The following PIBF1 variants were observed in gnomAD, a reference collection of about 807,000 sequenced individuals.
PIBF1 encodes progesterone immunomodulatory binding factor 1.
PIBF1 carries 90 observed loss-of-function variants against 112.5 expected under a neutral mutation model. The ratio of observed to expected loss-of-function variants is 0.80; its 90% CI spans 0.67 to 0.95. The LOEUF (loss-of-function observed/expected upper bound fraction) is 0.95. Among genes scored for constraint, PIBF1 ranks in the 40% least tolerant of loss-of-function variants. The pLI is 0.00. For synonymous variants in PIBF1, 301 were observed against 288.6 expected (o/e 1.04, Z -0.44); for missense variants, 915 against 852.3 (o/e 1.07, Z -0.92).
chr13:72,907,174 G>C (rs1356902523), intron 11 of PIBF1, among the ~76,000 whole-genome samples: 1 of 152,078 alleles, frequency 6.6e-6, no homozygotes, highest in East Asian at 1.9e-4. Flanking sequence ...AATGTATATG[G>C]AGAGTGAGGG....
chr13:72,868,759 G>A (rs1216206067), intron 10 of PIBF1, among the ~76,000 whole-genome samples: 2 of 150,274 alleles, frequency 1.3e-5, no homozygotes, highest in African/African-American at 4.9e-5. Context: ...CATGGTGGGA[G>A]GATCACTAGA....
At chr13:72,912,189 T>A (rs2040919526) in intron 12 of PIBF1, among the ~76,000 whole-genome samples, 1 of 152,206 alleles carries the variant, frequency 6.6e-6, no homozygotes, top group Non-Finnish European at 1.5e-5. Flanking sequence ...TCAGTGAGGC[T>A]GATTTTTGGA....
chr13:72,998,078 A>G (rs549868635), intron 16 of PIBF1, among the ~76,000 whole-genome samples: 47 of 152,364 alleles, frequency 3.1e-4, no homozygotes, highest in Admixed American at 7.2e-4. Flanking sequence ...CTGAATCTGT[A>G]TTAAACTTAC....
rs758324760 is a variant in PIBF1 at position 72,931,278 on chromosome 13, TAAAG to T, written c.1833+15_1833+18del. The T allele has an allele frequency of 5.5e-6, 8 of 1,443,908 alleles. No individual in the cohort carries two copies. Among genetic ancestry groups the T allele is most frequent in the African/African-American group, 1.4e-5 (1 of 71,268 alleles). The allele number at this position is 1,443,908 out of a possible 1,614,324, so 89.4% of individuals were successfully genotyped here. On this transcript the variant is annotated intron_variant, in intron 14 of 17. Transcript: ENST00000326291. ...CAGCTTTCACAAGAGGTAAATAACT[TAAAG>T]AAACCCATATGAAGAATCACAGTAT... is the stretch of plus-strand genomic sequence containing the variant.
chr13:72,865,066 T>TA (rs1390592286), intron 10 of PIBF1, among the ~76,000 whole-genome samples: 1 of 152,188 alleles, frequency 6.6e-6, no homozygotes, highest in Admixed American at 6.5e-5. Flanking sequence ...AAAAAATGGT[T>TA]ACCATTTTTA....
intron 17 of PIBF1, among the ~76,000 whole-genome samples, chr13:73,012,372 A>C (rs1353247660): frequency 2.0e-5 from 3 of 151,962 alleles, no homozygotes. Flanking sequence ...ATAAATGACA[A>C]ATGCATTTGA....
chr13:73,007,006 A>C (rs942153642), intron 17 of PIBF1, among the ~76,000 whole-genome samples: 1 of 149,082 alleles, frequency 6.7e-6, no homozygotes, highest in African/African-American at 2.4e-5. Context: ...TTGTATACAT[A>C]TATATATATA....
intron 5 of PIBF1, among the ~76,000 whole-genome samples, chr13:72,806,131 A>G (rs891047058): frequency 2.0e-5 from 3 of 152,332 alleles, no homozygotes; most frequent in Non-Finnish European, 4.4e-5. Context: ...GAATACTCAC[A>G]TTGTGCAACA....
rs80002454 is a variant in PIBF1, at chr13:72,991,997, C to T, written c.2050-6825C>T. ...CCTCCCAAAGTGCTGGGATTACAGGCGTCAGCCACCGTGCCCAGCCCCCGT... is the reference window on the plus strand; with the variant it reads ...CCTCCCAAAGTGCTGGGATTACAGGTGTCAGCCACCGTGCCCAGCCCCCGT... On this transcript the variant is annotated intron_variant, in intron 16 of 17. Transcript: ENST00000326291. 7.0e-3 allele frequency among the ~76,000 whole-genome samples: 1,060 copies of T among 152,258 alleles called. 23 individuals carry two copies. The highest frequency in any genetic ancestry group is 0.024 in the African/African-American group (991 of 41,560).
At chr13:72,792,085 C>G (rs1219498767) in intron 2 of PIBF1, among the ~76,000 whole-genome samples, 2 of 152,020 alleles carry the variant, frequency 1.3e-5, no homozygotes, top group Non-Finnish European at 2.9e-5. Context: ...CACTTGAGGT[C>G]AGGAGTTCAA....
chr13:72,913,372 TGAGGA>T (rs200542758), intron 12 of PIBF1, among the ~76,000 whole-genome samples: 1 of 152,132 alleles, frequency 6.6e-6, no homozygotes, highest in African/African-American at 2.4e-5. Context: ...GTTAAACTGT[TGAGGA>T]GTGAAGTGTG....
Position 72,968,023 on chromosome 13 carries a change from A to C in PIBF1, c.1964+2619A>C, listed in dbSNP as rs569195363. ...ACACGGTGAAACCCTGTCTCTACTA[A>C]AAATACAAAAATTAGCCGGGCGTAG... On this transcript the variant is annotated intron_variant, in intron 15 of 17. Transcript: ENST00000326291. 9.5e-4 allele frequency among the ~76,000 whole-genome samples: 144 copies of C among 151,974 alleles called. 1 individual carries two copies. The highest frequency in any genetic ancestry group is 1.7e-3 in the Non-Finnish European group (118 of 67,968).
chr13:72,918,603 G>A (rs1039360939), intron 13 of PIBF1, among the ~76,000 whole-genome samples: 4 of 151,896 alleles, frequency 2.6e-5, no homozygotes, highest in Non-Finnish European at 5.9e-5. Context: ...GGTCAGGCTG[G>A]TCTTGAACTC....
intron 11 of PIBF1, among the ~76,000 whole-genome samples, chr13:72,902,684 C>A (rs2040539681): frequency 6.6e-5 from 10 of 152,096 alleles, no homozygotes. Context: ...ACTTAAGTGT[C>A]CAACAGTAGA....
intron 13 of PIBF1, among the ~76,000 whole-genome samples, chr13:72,921,092 A>ATTTTAT (rs1354005256): frequency 6.6e-6 from 1 of 151,990 alleles, no homozygotes; most frequent in African/African-American, 2.4e-5. Flanking sequence ...TGTTTATTTT[A>ATTTTAT]TTTTATTTTT....
intron 10 of PIBF1, among the ~76,000 whole-genome samples, chr13:72,886,996 G>A (rs1192215688): frequency 1.3e-5 from 2 of 149,826 alleles, no homozygotes; most frequent in Non-Finnish European, 3.0e-5. Flanking sequence ...ATTTCACATT[G>A]AAAACACCTG....
chr13:72,943,634 T>C (rs1016926560), intron 14 of PIBF1, among the ~76,000 whole-genome samples: 3 of 152,206 alleles, frequency 2.0e-5, no homozygotes, highest in African/African-American at 7.2e-5. Context: ...CTACTTCTCA[T>C]CCTCATCTTC....
chr13:72,863,631 C>T (rs1470937072), intron 10 of PIBF1, among the ~76,000 whole-genome samples: 1 of 144,532 alleles, frequency 6.9e-6, no homozygotes, highest in East Asian at 2.1e-4. Context: ...GCACTCCAGC[C>T]TGGGCGACAG....
rs2138571631 is a variant in PIBF1, at chr13:72,893,937, G to GA, written c.1482dup (p.Leu495IlefsTer10). The GA allele has an allele frequency of 6.4e-7, 1 of 1,574,678 alleles. No homozygotes were observed. Among genetic ancestry groups the GA allele is most frequent in the Non-Finnish European group, 8.6e-7 (1 of 1,160,498 alleles). On this transcript the variant is annotated frameshift_variant, in exon 11 of 18. Transcript: ENST00000326291. LOFTEE classifies it high-confidence loss of function. ...GTCAATTGGAATGTGAAAAATATCA[G>GA]AAAAAATTGGAGGTACATGTACAAG... is the stretch of plus-strand genomic sequence containing the variant.
Sources: gnomAD v4.1 joint callset for allele counts (sites outside exome capture counted in the v4.1 genomes callset) on GRCh38, gnomAD v4.1.1 for gene constraint, MANE v1.5 for transcripts, NCBI Gene and HGNC (gene_info 2026-07-23, HGNC 2026-07-21) for gene names.